OXR1: variants seen among roughly 807,000 people sequenced by gnomAD.
OXR1 encodes oxidation resistance protein 1.
Under a neutral mutation model 104.6 loss-of-function variants are expected in OXR1, and 41 were observed. That is an observed-to-expected ratio of 0.39 (90% CI 0.31 to 0.51). The LOEUF is 0.51. Ranked by LOEUF, OXR1 falls within the 20% of genes least tolerant of loss-of-function variation. OXR1 has a pLI of 0.77. For missense variants in OXR1, 955 were observed against 1,031.9 expected, an observed-to-expected ratio of 0.93 and a Z score of 1.02; for synonymous variants, 348 against 348.4, an observed-to-expected ratio of 1.00 and a Z score of 0.01.
chr8:106,751,055 G>C lies in OXR1; in HGVS notation c.*114G>C, dbSNP rs1450192073. On this transcript the variant is annotated 3_prime_UTR_variant, in exon 17 of 17. Coordinates refer to ENST00000517566, the MANE Select transcript of OXR1 (RefSeq NM_001198533.2). The stretch of plus-strand genomic sequence containing the variant: ...ACATGTCACTTGTGCTTTAAAATTA[G>C]TCTGTATCACCATTTATTACAGTTA... The C allele has an allele frequency of 8.1e-6, 6 of 738,166 alleles. No homozygotes were observed. Among genetic ancestry groups the C allele is most frequent in the Non-Finnish European group, 1.3e-5 (6 of 457,332 alleles). 45.7% of individuals were successfully genotyped at this position (738,166 alleles called of 1,614,324 possible).
At chr8:106,452,042 TAGCCG>T (rs1820341193) in intron 2 of OXR1, among the ~76,000 whole-genome samples, 1 of 152,168 alleles carries the variant, frequency 6.6e-6, no homozygotes, top group East Asian at 1.9e-4. Flanking sequence ...TCCCAGAGGC[TAGCCG>T]ACATATTGTA....
chr8:106,351,088 A>T (rs906298923), intron 1 of OXR1, among the ~76,000 whole-genome samples: 2 of 152,236 alleles, frequency 1.3e-5, no homozygotes, highest in African/African-American at 4.8e-5. Context: ...AATTAAAGAA[A>T]TGGTATTTTG....
intron 2 of OXR1, among the ~76,000 whole-genome samples, chr8:106,367,094 G>A (rs987597024): frequency 7.2e-5 from 10 of 139,654 alleles, no homozygotes; most frequent in African/African-American, 2.7e-4. Flanking sequence ...ACGGAGTCTT[G>A]CCCTGTTACC....
intron 6 of OXR1, among the ~76,000 whole-genome samples, chr8:106,691,584 T>A (rs1408369377): frequency 6.7e-6 from 1 of 149,768 alleles, no homozygotes; most frequent in Non-Finnish European, 1.5e-5. Flanking sequence ...TATCTTCATT[T>A]AAGGAAAGCA....
intron 3 of OXR1, among the ~76,000 whole-genome samples, chr8:106,520,755 CAT>C (rs1475937189): frequency 1.3e-5 from 2 of 152,224 alleles, no homozygotes; most frequent in Non-Finnish European, 2.9e-5. Flanking sequence ...TCCTCTGCAA[CAT>C]GTCTGTCGCC....
At chr8:106,443,563 A>T (rs1165142869) in intron 2 of OXR1, among the ~76,000 whole-genome samples, 1 of 152,140 alleles carries the variant, frequency 6.6e-6, no homozygotes, top group Non-Finnish European at 1.5e-5. Flanking sequence ...ATAGGTCTCT[A>T]AGAACTTGTT....
chr8:106,582,554 T>C (rs188267807), intron 3 of OXR1, among the ~76,000 whole-genome samples: 1 of 152,258 alleles, frequency 6.6e-6, no homozygotes, highest in Non-Finnish European at 1.5e-5. Context: ...GGCAGTCTTT[T>C]ACAACATTTT....
intron 1 of OXR1, among the ~76,000 whole-genome samples, chr8:106,350,771 A>G (rs944752607): frequency 1.3e-5 from 2 of 152,232 alleles, no homozygotes; most frequent in African/African-American, 4.8e-5. Flanking sequence ...TAATCATTCA[A>G]TTGTTCTAGA....
chr8:106,482,495 GA>G (rs1238152662), intron 2 of OXR1, among the ~76,000 whole-genome samples: 11 of 151,510 alleles, frequency 7.3e-5, no homozygotes. Flanking sequence ...TCGATTTTCT[GA>G]ACGACTATTT....
At chr8:106,748,123 T>G (rs1307363737) in intron 16 of OXR1, among the ~76,000 whole-genome samples, 1 of 152,230 alleles carries the variant, frequency 6.6e-6, no homozygotes, top group Non-Finnish European at 1.5e-5. Context: ...AAGTCTATTG[T>G]CATAAGACCA....
chr8:106,413,681 TAAGTAAAGAAATAGGATTAATATATAG>T, intron 2 of OXR1, among the ~76,000 whole-genome samples: 1 of 151,950 alleles, frequency 6.6e-6, no homozygotes, highest in Non-Finnish European at 1.5e-5. Context: ...TATCCTATTG[TAAGTAAAGAAATAGGATTAATATATAG>T]CTAATGCTGT....
intron 3 of OXR1, among the ~76,000 whole-genome samples, chr8:106,536,996 T>C (rs1814588197): frequency 6.6e-6 from 1 of 152,156 alleles, no homozygotes; most frequent in African/African-American, 2.4e-5. Context: ...AAACAATGAA[T>C]GTTGATTTTT....
At chr8:106,294,395 C>CAAAAAAAAAAAAAAA (rs1200997871) in intron 1 of OXR1, among the ~76,000 whole-genome samples, 1 of 70,388 alleles carries the variant, frequency 1.4e-5, no homozygotes, top group African/African-American at 6.3e-5. Context: ...GACTCTGTCT[C>CAAAAAAAAAAAAAAA]AAAAAAAAAA....
At chr8:106,502,727 A>G (rs1324743819) in intron 2 of OXR1, among the ~76,000 whole-genome samples, 1 of 152,190 alleles carries the variant, frequency 6.6e-6, no homozygotes, top group African/African-American at 2.4e-5. Context: ...TGACCATCTC[A>G]TTTCAGCTCA....
intron 1 of OXR1, among the ~76,000 whole-genome samples, chr8:106,303,348 G>T (rs1813336908): frequency 6.8e-6 from 1 of 146,276 alleles, no homozygotes; most frequent in Admixed American, 7.0e-5. Flanking sequence ...CCGCCTCCCA[G>T]GGTCACACCA....
At chr8:106,410,118 C>T (rs1818404122) in intron 2 of OXR1, among the ~76,000 whole-genome samples, 1 of 152,064 alleles carries the variant, frequency 6.6e-6, no homozygotes, top group Non-Finnish European at 1.5e-5. Context: ...GGTTAGAAGG[C>T]CAAAACAAAT....
In OXR1 at chr8:106,698,213, A is replaced by T. The variant is rs542292548; in HGVS notation, c.676-4693A>T. ...TTTATTTCTTTTCAGAACTTTAAAA[A>T]TTTACTCCATTGTTTTCTGGCTTGT... On this transcript the variant is annotated intron_variant, in intron 7 of 16. Transcript: ENST00000517566. Among the ~76,000 whole-genome samples the T allele has an allele frequency of 4.6e-5, 7 of 152,296 alleles. No homozygotes were observed. In the East Asian group the frequency reaches 1.3e-3, roughly 29 times the overall value.
intron 3 of OXR1, among the ~76,000 whole-genome samples, chr8:106,632,338 A>C (rs1254634864): frequency 6.6e-6 from 1 of 152,214 alleles, no homozygotes; most frequent in East Asian, 1.9e-4. Flanking sequence ...GTTTTTGGAA[A>C]ACTGTTATGG....
At chr8:106,358,032 G>A (rs1346277158) in intron 1 of OXR1, among the ~76,000 whole-genome samples, 1 of 152,158 alleles carries the variant, frequency 6.6e-6, no homozygotes, top group African/African-American at 2.4e-5. Context: ...GAGTGGCCAA[G>A]TATCTAAACT....
Sources: allele counts gnomAD v4.1 joint callset (sites outside exome capture counted in the v4.1 genomes callset), GRCh38; gene constraint gnomAD v4.1.1; transcripts MANE v1.5; gene names NCBI Gene and HGNC (gene_info 2026-07-23, HGNC 2026-07-21).